Variants in MANBA observed in about 807,000 individuals in gnomAD.
The protein encoded by MANBA is mannosidase beta.
A neutral mutation model predicts 111.1 loss-of-function variants in MANBA; 83 were observed. The observed-to-expected ratio is 0.75, with a 90% confidence interval of 0.63 to 0.90. The LOEUF is 0.90. MANBA is among the 40% of genes least tolerant of loss of function. The pLI is 0.00. For synonymous variants in MANBA, 370 were observed against 378.7 expected (o/e 0.98, Z 0.27); for missense variants, 1,036 against 1,069.0 (o/e 0.97, Z 0.43).
intron 12 of MANBA, among the ~76,000 whole-genome samples, chr4:102,655,207 C>G (rs1730509020): frequency 6.6e-6 from 1 of 152,020 alleles, no homozygotes; most frequent in Admixed American, 6.6e-5. Flanking sequence ...GTTCATGCAT[C>G]AGAAGATTTA....
chr4:102,633,888 T>C (rs1221917649), intron 16 of MANBA, among the ~76,000 whole-genome samples: 1 of 114,474 alleles, frequency 8.7e-6, no homozygotes, highest in Non-Finnish European at 1.8e-5. Context: ...AAAGAAGGTA[T>C]GTTTTCAGTT....
chr4:102,730,890 A>G (rs1723009263), intron 1 of MANBA, among the ~76,000 whole-genome samples: 1 of 152,122 alleles, frequency 6.6e-6, no homozygotes, highest in Admixed American at 6.6e-5. Context: ...GCTCTAATCA[A>G]TAACTCACAT....
chr4:102,644,920 TA>T (rs1484966854), intron 13 of MANBA, among the ~76,000 whole-genome samples: 1 of 152,042 alleles, frequency 6.6e-6, no homozygotes, highest in East Asian at 1.9e-4. Flanking sequence ...TTAATTTTTT[TA>T]AAAAAAGAAA....
intron 1 of MANBA, among the ~76,000 whole-genome samples, chr4:102,758,624 C>G (rs537433203): frequency 6.6e-6 from 1 of 151,204 alleles, no homozygotes; most frequent in African/African-American, 2.4e-5. Flanking sequence ...CTCACTGCAG[C>G]CTCAACCTCC....
intron 12 of MANBA, among the ~76,000 whole-genome samples, chr4:102,657,075 G>A (rs185330803): frequency 6.6e-6 from 1 of 152,136 alleles, no homozygotes; most frequent in East Asian, 1.9e-4. Flanking sequence ...TGCATTGTAT[G>A]GCAAGTGAAT....
intron 7 of MANBA, among the ~76,000 whole-genome samples, chr4:102,677,563 G>C (rs1396474059): frequency 6.6e-6 from 1 of 152,062 alleles, no homozygotes; most frequent in Non-Finnish European, 1.5e-5. Flanking sequence ...ATGTAACAGA[G>C]AACAAAAAGT....
chr4:102,727,717 CAG>C, intron 1 of MANBA: 1 of 1,000,126 alleles, frequency 1.0e-6, no homozygotes, highest in Non-Finnish European at 1.6e-6. Flanking sequence ...GTTGTGTTTT[CAG>C]AGATGGTGCC....
At chr4:102,745,804 A>C (rs2110208262) in intron 1 of MANBA, among the ~76,000 whole-genome samples, 1 of 152,288 alleles carries the variant, frequency 6.6e-6, no homozygotes, top group East Asian at 1.9e-4. Context: ...CTTAATATCC[A>C]TTCCTATGAC....
rs1730279638 is a variant in MANBA, at chr4:102,650,422, T to A, written c.1869+115A>T. The A allele has an allele frequency of 3.7e-6, 4 of 1,069,134 alleles. No individual in the cohort carries two copies. The Admixed American group carries it at 7.2e-5, about 19-fold the overall frequency. 66.2% of individuals were successfully genotyped at this position (1,069,134 alleles called of 1,614,324 possible). On this transcript the variant is annotated intron_variant, in intron 13 of 16. Coordinates refer to ENST00000647097, the MANE Select transcript of MANBA (RefSeq NM_005908.4). ...ATGTTCTTTGAAGAAAATAAATTCCTTAACCAGTGGAATGAAAACCTGAAT... is the reference window on the plus strand; with the variant it reads ...ATGTTCTTTGAAGAAAATAAATTCCATAACCAGTGGAATGAAAACCTGAAT...
intron 7 of MANBA, among the ~76,000 whole-genome samples, chr4:102,675,568 G>A (rs1731689860): frequency 6.6e-6 from 1 of 152,104 alleles, no homozygotes; most frequent in African/African-American, 2.4e-5. Context: ...ACCTACACAG[G>A]AGCACAAAAG....
Position 102,746,710 on chromosome 4 carries a change from C to T in MANBA, c.177+14008G>A, listed in dbSNP as rs557514294. Among the ~76,000 whole-genome samples the T allele has an allele frequency of 2.4e-3, 368 of 152,300 alleles. 1 individual carries two copies. Among genetic ancestry groups the T allele is most frequent in the Non-Finnish European group, 4.0e-3 (272 of 68,024 alleles). On this transcript the variant is annotated intron_variant, in intron 1 of 16. Transcript: ENST00000647097. ...TTCTTAGGCCGGGCACTGTGGCTCA[C>T]GACTGTCATCCCAGCACTTTGGCAG...
chr4:102,660,952 C>G (rs1423708198), intron 11 of MANBA, among the ~76,000 whole-genome samples: 1 of 151,960 alleles, frequency 6.6e-6, no homozygotes, highest in African/African-American at 2.4e-5. Flanking sequence ...CCCAAAATGT[C>G]CACTAGCTTC....
At chr4:102,729,153 G>C in intron 1 of MANBA, 1 of 725,848 alleles carries the variant, frequency 1.4e-6, no homozygotes, top group East Asian at 2.7e-5. Context: ...AGCCCCCTGT[G>C]CTGCAGACAT....
intron 4 of MANBA, among the ~76,000 whole-genome samples, chr4:102,718,673 G>C (rs772765573): frequency 6.6e-6 from 1 of 152,324 alleles, no homozygotes; most frequent in South Asian, 2.1e-4. Context: ...CAAAGAACTG[G>C]TGAAAGAGAA....
intron 7 of MANBA, among the ~76,000 whole-genome samples, chr4:102,680,515 C>G (rs1731914228): frequency 6.6e-6 from 1 of 151,790 alleles, no homozygotes; most frequent in African/African-American, 2.4e-5. Context: ...TCTAGGAAAG[C>G]TTTTCTGCAG....
chr4:102,651,668 A>G (rs1242023353), intron 12 of MANBA, among the ~76,000 whole-genome samples: 2 of 152,194 alleles, frequency 1.3e-5, no homozygotes, highest in Non-Finnish European at 2.9e-5. Flanking sequence ...CATTCCCAGT[A>G]ATCAAGCAAC....
intron 7 of MANBA, among the ~76,000 whole-genome samples, chr4:102,681,779 A>G (rs1055848718): frequency 6.6e-6 from 1 of 152,202 alleles, no homozygotes; most frequent in Non-Finnish European, 1.5e-5. Flanking sequence ...ACAATTCCAA[A>G]CTGTTATAAA....
rs189444059 is a variant in MANBA, at chr4:102,651,996, G to C, written c.1705-1295C>G. Among the ~76,000 whole-genome samples the C allele has an allele frequency of 1.4e-3, 209 of 152,050 alleles. 1 individual carries two copies. Among genetic ancestry groups the C allele is most frequent in the African/African-American group, 4.9e-3 (202 of 41,468 alleles). ...TGACACAATAAGTGTACACATTTAT[G>C]GGGTACCATGTTATAATTTGATACA... is the stretch of plus-strand genomic sequence containing the variant. On this transcript the variant is annotated intron_variant, in intron 12 of 16. Transcript: ENST00000647097.
chr4:102,759,594 C>G (rs1341042817), intron 1 of MANBA, among the ~76,000 whole-genome samples: 1 of 150,284 alleles, frequency 6.7e-6, no homozygotes, highest in East Asian at 1.9e-4. Flanking sequence ...TACTAAGTAC[C>G]AGGTCAGAAA....
Sources: gnomAD v4.1 joint callset for allele counts (sites outside exome capture counted in the v4.1 genomes callset) on GRCh38, gnomAD v4.1.1 for gene constraint, MANE v1.5 for transcripts, NCBI Gene and HGNC (gene_info 2026-07-23, HGNC 2026-07-21) for gene names.